TAFA1: variants seen among roughly 807,000 people sequenced by gnomAD.
The protein encoded by TAFA1 is chemokine-like protein TAFA-1.
TAFA1 carries 4 observed loss-of-function variants against 18.5 expected under a neutral mutation model. The observed-to-expected ratio is 0.22, with a 90% confidence interval of 0.11 to 0.49. The LOEUF (loss-of-function observed/expected upper bound fraction) is 0.49. Ranked by LOEUF, TAFA1 falls within the 20% of genes least tolerant of loss-of-function variation. The pLI, the probability that TAFA1 is intolerant of heterozygous loss-of-function variation, is 0.98. For synonymous variants in TAFA1, 56 were observed against 55.2 expected, an observed-to-expected ratio of 1.01 and a Z score of -0.06; for missense variants, 147 against 169.0, an observed-to-expected ratio of 0.87 and a Z score of 0.72.
intron 2 of TAFA1, among the ~76,000 whole-genome samples, chr3:68,074,634 T>C (rs1186712897): frequency 6.6e-6 from 1 of 152,224 alleles, no homozygotes; most frequent in Non-Finnish European, 1.5e-5. Flanking sequence ...AGAGATTTGA[T>C]TATTTACCTC....
At chr3:68,417,254 T>C (rs376363723) in intron 2 of TAFA1, 26 bp from the exon 3 acceptor site, 5 of 1,609,276 alleles carry the variant, frequency 3.1e-6, no homozygotes, top group Admixed American at 1.7e-5. Context: ...TTCTAATCAG[T>C]GTCCCTGTTC....
intron 2 of TAFA1, among the ~76,000 whole-genome samples, chr3:68,219,793 A>G (rs182436596): frequency 5.9e-5 from 9 of 152,258 alleles, no homozygotes; most frequent in Admixed American, 2.6e-4. Context: ...CAAGGGAAAG[A>G]GATTTTACAG....
At chr3:68,433,557 T>C (rs1432389910) in intron 3 of TAFA1, among the ~76,000 whole-genome samples, 2 of 152,154 alleles carry the variant, frequency 1.3e-5, no homozygotes, top group Non-Finnish European at 2.9e-5. Flanking sequence ...GCAAAGTTCA[T>C]GAAGGTCTTG....
intron 2 of TAFA1, among the ~76,000 whole-genome samples, chr3:68,163,377 A>G (rs553998934): frequency 8.5e-5 from 13 of 152,276 alleles, no homozygotes; most frequent in African/African-American, 2.4e-4. Context: ...CATTTCATCC[A>G]CTGGTTCCAC....
At chr3:68,484,471 A>G (rs370578571) in intron 3 of TAFA1, among the ~76,000 whole-genome samples, 7 of 152,188 alleles carry the variant, frequency 4.6e-5, no homozygotes, top group African/African-American at 1.4e-4. Context: ...GGTAAGATGC[A>G]ATGCATTGGA....
intron 2 of TAFA1, among the ~76,000 whole-genome samples, chr3:68,359,199 T>C (rs1232049043): frequency 6.6e-6 from 1 of 152,026 alleles, no homozygotes; most frequent in Non-Finnish European, 1.5e-5. Context: ...GTATGCCCTA[T>C]GGCAAAAGGT....
intron 3 of TAFA1, among the ~76,000 whole-genome samples, chr3:68,424,088 AACC>A (rs2071010318): frequency 6.6e-6 from 1 of 152,068 alleles, no homozygotes; most frequent in African/African-American, 2.4e-5. Flanking sequence ...CAAATAAAAA[AACC>A]CTTTAGTTAA....
intron 3 of TAFA1, among the ~76,000 whole-genome samples, chr3:68,452,398 C>T (rs563676428): frequency 6.6e-6 from 1 of 151,734 alleles, no homozygotes; most frequent in Non-Finnish European, 1.5e-5. Flanking sequence ...TTGCAGGAAC[C>T]TATGGTCCTA....
chr3:68,327,398 T>A (rs1162324028), intron 2 of TAFA1, among the ~76,000 whole-genome samples: 1 of 152,138 alleles, frequency 6.6e-6, no homozygotes, highest in East Asian at 1.9e-4. Context: ...AAGAAATACA[T>A]TTTTACAAAA....
At chr3:68,168,330 A>C (rs1478692035) in intron 2 of TAFA1, among the ~76,000 whole-genome samples, 2 of 152,230 alleles carry the variant, frequency 1.3e-5, no homozygotes, top group Admixed American at 6.5e-5. Flanking sequence ...AATCAAGTTC[A>C]ACAGACTTAG....
chr3:68,081,530 C>T (rs2064899963), intron 2 of TAFA1, among the ~76,000 whole-genome samples: 1 of 152,044 alleles, frequency 6.6e-6, no homozygotes, highest in Admixed American at 6.6e-5. Context: ...TTCCTTCTAA[C>T]AGACAGGACC....
rs575011742 is a variant in TAFA1, at chr3:68,464,810, T to C, written c.259+47390T>C. Among the ~76,000 whole-genome samples the C allele has an allele frequency of 5.3e-5, 8 of 152,314 alleles. No homozygotes were observed. The South Asian group carries it at 1.7e-3, about 32-fold the overall frequency. On this transcript the variant is annotated intron_variant, in intron 3 of 4. Coordinates refer to ENST00000478136, the MANE Select transcript of TAFA1 (RefSeq NM_213609.4). ...AGTAAGATATCCTTCCTCTCTACCC[T>C]TTCATTCTGTAGTTCCATATGTTTA... is the stretch of plus-strand genomic sequence containing the variant.
intron 3 of TAFA1, among the ~76,000 whole-genome samples, chr3:68,517,168 T>C (rs1699208255): frequency 6.6e-6 from 1 of 152,190 alleles, no homozygotes; most frequent in African/African-American, 2.4e-5. Context: ...CTCTCAAAAA[T>C]ATATTCATCT....
chr3:67,994,139 T>C, the TAFA1 span, among the ~76,000 whole-genome samples: 3 of 152,212 alleles, frequency 2.0e-5, no homozygotes, highest in Admixed American at 6.5e-5. Context: ...TGAGACTATA[T>C]ATTTCTAGAG....
chr3:68,261,196 A>G (rs2067413942), intron 2 of TAFA1, among the ~76,000 whole-genome samples: 1 of 152,210 alleles, frequency 6.6e-6, no homozygotes, highest in Admixed American at 6.5e-5. Context: ...AGAGAAATCC[A>G]AATCAAAACC....
At chr3:68,322,137 G>A (rs934933403) in intron 2 of TAFA1, among the ~76,000 whole-genome samples, 3 of 152,046 alleles carry the variant, frequency 2.0e-5, no homozygotes, top group Non-Finnish European at 4.4e-5. Context: ...CTGGGCCTGG[G>A]GCCATAAGCT....
At chr3:68,385,487 G>A (rs547923457) in intron 2 of TAFA1, among the ~76,000 whole-genome samples, 14 of 152,174 alleles carry the variant, frequency 9.2e-5, no homozygotes, top group African/African-American at 3.4e-4. Context: ...TTTTGAGACG[G>A]CACTTAAAGT....
At chr3:68,107,741 C>T (rs952592463) in intron 2 of TAFA1, among the ~76,000 whole-genome samples, 5 of 152,066 alleles carry the variant, frequency 3.3e-5, no homozygotes, top group African/African-American at 9.7e-5. Context: ...CCAGGAGTGG[C>T]TGCATTTAAT....
chr3:68,442,215 T>C (rs979497534), intron 3 of TAFA1, among the ~76,000 whole-genome samples: 7 of 152,172 alleles, frequency 4.6e-5, no homozygotes, highest in Non-Finnish European at 1.0e-4. Context: ...AAAAGGAATT[T>C]ATTTCTTACA....
Sources: gnomAD v4.1 joint callset for allele counts (sites outside exome capture counted in the v4.1 genomes callset) on GRCh38, gnomAD v4.1.1 for gene constraint, MANE v1.5 for transcripts, NCBI Gene and HGNC (gene_info 2026-07-23, HGNC 2026-07-21) for gene names.